MGAT1: variants seen among roughly 807,000 people sequenced by gnomAD.
MGAT1 encodes alpha-1,3-mannosyl-glycoprotein 2-beta-N-acetylglucosaminyltransferase, also known as N-glycosyl-oligosaccharide-glycoprotein N-acetylglucosaminyltransferase I.
Under a neutral mutation model 31.7 loss-of-function variants are expected in MGAT1, and 14 were observed. The observed-to-expected ratio is 0.44, with a 90% CI of 0.29 to 0.69. MGAT1 has a LOEUF of 0.69. Ranked by LOEUF, MGAT1 falls within the 30% of genes least tolerant of loss-of-function variation. The pLI is 0.12. For synonymous variants in MGAT1, 338 were observed against 276.0 expected (o/e 1.22, Z -2.23); for missense variants, 557 against 626.0 (o/e 0.89, Z 1.18).
upstream of MGAT1, chr5:180,803,959 CG>C (rs1325651005): frequency 6.6e-6 from 1 of 152,486 alleles, no homozygotes; most frequent in Admixed American, 6.5e-5. Context: ...CGGAGCAGCC[CG>C]GAACTCTGCG....
intron 1 of MGAT1, among the ~76,000 whole-genome samples, chr5:180,799,123 G>A (rs551120465): frequency 1.1e-4 from 17 of 152,198 alleles, no homozygotes; most frequent in South Asian, 4.1e-4. Flanking sequence ...ACCTGGTCAC[G>A]ACATTAACTT....
intron 1 of MGAT1, chr5:180,811,362 A>G (rs1772552025): frequency 1.3e-5 from 2 of 152,222 alleles, no homozygotes; most frequent in Admixed American, 1.3e-4. Context: ...CTTAAAGGGA[A>G]AAATACATAT....
intron 1 of MGAT1, among the ~76,000 whole-genome samples, chr5:180,812,760 C>A (rs1772654813): frequency 6.6e-6 from 1 of 152,120 alleles, no homozygotes. Flanking sequence ...TATTAATGAG[C>A]AATTACAATT....
rs1472329155 is a variant in MGAT1, at chr5:180,791,608, AG to A, written c.*25del. 3 of 1,606,238 alleles carry A rather than the reference AG, an allele frequency of 1.9e-6. No individual in the cohort carries two copies. In the East Asian group the frequency reaches 6.7e-5, roughly 36 times the overall value. On this transcript the variant is annotated 3_prime_UTR_variant, in exon 2 of 2. Coordinates refer to ENST00000307826, the MANE Select transcript of MGAT1 (RefSeq NM_002406.4). ...CACCTCAGCTCATGATGTGGCAAGG[AG>A]GGGCCCAGGAAGGACAGGCAGGTGC...
rs1767777466 is a variant in MGAT1, at chr5:180,789,083, G to C, written c.*2551C>G. ...GCTAAATAATCCATCTAAGCAACAG[G>C]GGAAGGCAAAACCCGCTCCACACAA... On this transcript the variant is annotated 3_prime_UTR_variant, in exon 2 of 2. Transcript: ENST00000307826. 1.3e-5 allele frequency: 2 copies of C among 152,204 alleles called. No homozygotes were observed. The highest frequency in any genetic ancestry group is 4.1e-4 in the South Asian group (2 of 4,836). The allele number at this position is 152,204 out of a possible 1,614,324, so 9.4% of individuals were successfully genotyped here. A position where few individuals can be genotyped will look rare whatever the true frequency, so the allele number is the denominator to read the frequency against.
intron 2 of MGAT1, chr5:180,808,389 C>T (rs1417803542): frequency 6.6e-6 from 1 of 152,104 alleles, no homozygotes; most frequent in Non-Finnish European, 1.5e-5. Flanking sequence ...CTTCAGAAGT[C>T]TTCAATTATT....
upstream of MGAT1, among the ~76,000 whole-genome samples, chr5:180,806,797 T>C (rs1335339130): frequency 6.6e-6 from 1 of 152,208 alleles, no homozygotes; most frequent in African/African-American, 2.4e-5. Flanking sequence ...CGCAACTCCC[T>C]GGTACCTGGG....
In MGAT1 at chr5:180,792,620, C is replaced by G. The variant is rs2113228677; in HGVS notation, c.352G>C (p.Val118Leu). The G allele has an allele frequency of 6.2e-7, 1 of 1,604,620 alleles. No homozygotes were observed. Among genetic ancestry groups the G allele is most frequent in the Non-Finnish European group, 8.5e-7 (1 of 1,174,880 alleles). Reference sequence around the variant, plus strand: ...AGCAGCTTGTCCAGGCAGCGCCGAACAGTGCTGCGGTCACAGGCGATGACC... The same window carrying G: ...AGCAGCTTGTCCAGGCAGCGCCGAAGAGTGCTGCGGTCACAGGCGATGACC... ...ILVIACDRST[V>L]RRCLDKLLHY... Residue 118 changes from valine to leucine, a missense_variant, in exon 2 of 2, where the codon GTT becomes CTT. Around this residue, in one of 3 missense-constraint regions of MGAT1, gnomAD observed 245 missense variants for 332.9 expected, o/e 0.74. Coordinates refer to ENST00000307826, the MANE Select transcript of MGAT1 (RefSeq NM_002406.4).
At chr5:180,801,585 T>C (rs760020339) in intron 1 of MGAT1, among the ~76,000 whole-genome samples, 1 of 152,200 alleles carries the variant, frequency 6.6e-6, no homozygotes, top group Non-Finnish European at 1.5e-5. Flanking sequence ...TTATTCATCC[T>C]GGAAAAGAAG....
intron 1 of MGAT1, among the ~76,000 whole-genome samples, chr5:180,798,656 C>T (rs1390200084): frequency 1.3e-5 from 2 of 152,232 alleles, no homozygotes; most frequent in Admixed American, 6.5e-5. Flanking sequence ...GTTTTCTAAA[C>T]TCAATTGGCA....
At chr5:180,812,663 A>C (rs947904310) in intron 1 of MGAT1, among the ~76,000 whole-genome samples, 5 of 152,168 alleles carry the variant, frequency 3.3e-5, no homozygotes, top group Non-Finnish European at 5.9e-5. Context: ...AATTCGAGTC[A>C]ATTTGTATTT....
intron 1 of MGAT1, chr5:180,795,664 A>G (rs1055914052): frequency 3.3e-5 from 5 of 152,220 alleles, no homozygotes; most frequent in Non-Finnish European, 7.3e-5. Context: ...ACTATTTTTT[A>G]TTCTTGCAAT....
In MGAT1 at chr5:180,793,077, G is replaced by T; in HGVS notation, c.-106C>A. 7.4e-7 allele frequency: 1 copy of T among 1,346,168 alleles called. No individual in the cohort carries two copies. Among genetic ancestry groups the T allele is most frequent in the Non-Finnish European group, 1.0e-6 (1 of 989,418 alleles). The allele number at this position is 1,346,168 out of a possible 1,614,324, so 83.4% of individuals were successfully genotyped here. A position where few individuals can be genotyped will look rare whatever the true frequency, so the allele number is the denominator to read the frequency against. The stretch of plus-strand genomic sequence containing the variant: ...TAGGGATGCCTCCTCTGGACTATGG[G>T]ATTAGGAGGCAGCCATGCACCTAAA... On this transcript the variant is annotated 5_prime_UTR_variant, in exon 2 of 2. Transcript: ENST00000307826.
chr5:180,811,523 G>C (rs1772566570), intron 1 of MGAT1: 1 of 152,070 alleles, frequency 6.6e-6, no homozygotes, highest in African/African-American at 2.4e-5. Context: ...AGAAGAGCCA[G>C]CTTCACTCTC....
In MGAT1 at chr5:180,786,597, AGAG is replaced by A. The variant is rs985388795; in HGVS notation, c.*5034_*5036del. 2 of 152,294 alleles carry A rather than the reference AGAG, an allele frequency of 1.3e-5. No homozygotes were observed. Among genetic ancestry groups the A allele is most frequent in the Admixed American group, 6.5e-5 (1 of 15,282 alleles). The allele number at this position is 152,294 out of a possible 1,614,324, so 9.4% of individuals were successfully genotyped here. A position where few individuals can be genotyped will look rare whatever the true frequency, so the allele number is the denominator to read the frequency against. On this transcript the variant is annotated 3_prime_UTR_variant, in exon 2 of 2. Coordinates refer to ENST00000307826, the MANE Select transcript of MGAT1 (RefSeq NM_002406.4). ...ACCCAGCGCTCTGTGAGCTTCCAAG[AGAG>A]GAGGAGGCAGCTGCCATCCACCCTT...
rs1023038372 is a variant in MGAT1 at position 180,788,405 on chromosome 5, G to C, written c.*3229C>G. 6.5e-6 allele frequency: 1 copy of C among 152,882 alleles called. No homozygotes were observed. The highest frequency in any genetic ancestry group is 1.5e-5 in the Non-Finnish European group (1 of 68,592). The allele number at this position is 152,882 out of a possible 1,614,324, so 9.5% of individuals were successfully genotyped here. A position where few individuals can be genotyped will look rare whatever the true frequency, so the allele number is the denominator to read the frequency against. On this transcript the variant is annotated 3_prime_UTR_variant, in exon 2 of 2. Transcript: ENST00000307826. ...TCCACCCTCACAGGAGACCGCCGGT[G>C]CCTGGCCTGAGAATCCAAGTGCAGC...
At chr5:180,811,054 G>C (rs1772525964) in intron 1 of MGAT1, 1 of 152,232 alleles carries the variant, frequency 6.6e-6, no homozygotes, top group South Asian at 2.1e-4. Context: ...CCTGCCCCGC[G>C]GTTTCCCCCT....
chr5:180,807,448 T>C (rs1488419688), upstream of MGAT1, among the ~76,000 whole-genome samples: 1 of 152,196 alleles, frequency 6.6e-6, no homozygotes, highest in Non-Finnish European at 1.5e-5. Flanking sequence ...GGGCTGCTTT[T>C]ATAGGGAATA....
In MGAT1 at chr5:180,791,755, T is replaced by C; in HGVS notation, c.1217A>G (p.Asp406Gly). 1 of 1,613,882 alleles carries C rather than the reference T, an allele frequency of 6.2e-7. No homozygotes were observed. ...AFAKALGVMD[D>G]LKSGVPRAGY... Reference sequence around the variant, plus strand: ...AGCTCTCGGAACCCCCGACTTAAGGTCATCCATGACACCCAGAGCCTTGGC... The same window carrying C: ...AGCTCTCGGAACCCCCGACTTAAGGCCATCCATGACACCCAGAGCCTTGGC... Residue 406 changes from aspartate (D) to glycine (G), a missense_variant, in exon 2 of 2, where the codon GAC (aspartate) becomes GGC (glycine). By Grantham distance (94) the Asp-to-Gly change is moderately conservative. This residue lies in a region of MGAT1 where 145 missense variants were observed against 143.2 expected (regional missense o/e 1.01). Transcript: ENST00000307826.
Sources: gnomAD v4.1 joint callset for allele counts (sites outside exome capture counted in the v4.1 genomes callset) on GRCh38, gnomAD v4.1.1 for gene constraint, gnomAD v4.1.1 regional missense constraint, MANE v1.5 for transcripts, NCBI Gene and HGNC (gene_info 2026-07-23, HGNC 2026-07-21) for gene names.